TPMT: variants seen among roughly 807,000 people sequenced by gnomAD.
TPMT encodes the protein thiopurine S-methyltransferase.
A neutral mutation model predicts 34.2 loss-of-function variants in TPMT; 18 were observed. The observed-to-expected ratio is 0.53, with a 90% CI of 0.36 to 0.78. The LOEUF is 0.78. TPMT is among the 30% of genes least tolerant of loss of function. The pLI, the probability that TPMT is intolerant of heterozygous loss-of-function variation, is 0.00. For missense variants in TPMT, 265 were observed against 288.1 expected (o/e 0.92, Z 0.58); for synonymous variants, 69 against 92.4 (o/e 0.75, Z 1.45).
intron 7 of TPMT, 165 bp downstream of exon 7, chr6:18,133,639 T>G: frequency 1.6e-6 from 1 of 619,098 alleles, no homozygotes; most frequent in East Asian, 2.8e-5. Context: ...GAGAAAAACA[T>G]GCTTATAGTT....
In TPMT at chr6:18,143,797, T is replaced by A; in HGVS notation, c.234-69A>T. 1 of 1,569,970 alleles carries A rather than the reference T, an allele frequency of 6.4e-7. No homozygotes were observed. The highest frequency in any genetic ancestry group is 8.7e-7 in the Non-Finnish European group (1 of 1,150,692). On this transcript the variant is annotated intron_variant, in intron 3 of 8. Transcript: ENST00000309983. The surrounding 1 kb of genome is among the most constrained non-coding windows in gnomAD (Gnocchi z 6.1). ...GACTAAATAGAGGGTTATATTAGAG[T>A]AAGCATATATTTTCTTTAATTTAGA... is the stretch of plus-strand genomic sequence containing the variant.
rs886697699 is a variant in TPMT, at chr6:18,132,128, C to T, written c.625+5G>A. Reference sequence around the variant, plus strand: ...AAAAGTTACAGCATAAGTCCACAAACTTACCAAACAACCTTTCAATTTCAG... The same window carrying T: ...AAAAGTTACAGCATAAGTCCACAAATTTACCAAACAACCTTTCAATTTCAG... On this transcript the variant is annotated splice_donor_5th_base_variant and intron_variant, in intron 8 of 8. Coordinates refer to ENST00000309983, the MANE Select transcript of TPMT (RefSeq NM_000367.5). This position sits in a 1 kb window ranked among gnomAD's most constrained non-coding sequence, Gnocchi z 4.8. 6.2e-7 allele frequency: 1 copy of T among 1,613,976 alleles called. No homozygotes were observed. The highest frequency in any genetic ancestry group is 8.5e-7 in the Non-Finnish European group (1 of 1,179,990).
rs895729183 is a variant in TPMT at position 18,150,339 on chromosome 6, G to T, written c.-44-1168C>A. 6.6e-6 allele frequency among the ~76,000 whole-genome samples: 1 copy of T among 152,164 alleles called. No homozygotes were observed. The highest frequency in any genetic ancestry group is 1.5e-5 in the Non-Finnish European group (1 of 68,014). ...TGGGTTTTTATGTAGGCTTCATCAC[G>T]TAGGCATTATTGTACTTACTCCTAA... is the stretch of plus-strand genomic sequence containing the variant. On this transcript the variant is annotated intron_variant, in intron 1 of 8. Coordinates refer to ENST00000309983, the MANE Select transcript of TPMT (RefSeq NM_000367.5). The surrounding 1 kb of genome is among the most constrained non-coding windows in gnomAD (Gnocchi z 5.3).
intron 1 of TPMT, among the ~76,000 whole-genome samples, chr6:18,151,923 C>A (rs923099681): frequency 6.6e-6 from 1 of 152,172 alleles, no homozygotes; most frequent in Non-Finnish European, 1.5e-5. Flanking sequence ...TTAATCCTCA[C>A]GTTTCCTGTA....
At position 18,153,902 on chromosome 6, in the gene TPMT, C is replaced by T. The variant is rs1326264894; in HGVS notation, c.-45+1131G>A. On this transcript the variant is annotated intron_variant, in intron 1 of 8. Transcript: ENST00000309983. The surrounding 1 kb of genome is among the most constrained non-coding windows in gnomAD (Gnocchi z 4.2). ...ACAAACTTGAACTGTCTAACAAAATCATGCACATAACTTAATCATGTCTTA... is the reference window on the plus strand; with the variant it reads ...ACAAACTTGAACTGTCTAACAAAATTATGCACATAACTTAATCATGTCTTA... 6.6e-6 allele frequency among the ~76,000 whole-genome samples: 1 copy of T among 152,212 alleles called. No homozygotes were observed. The highest frequency in any genetic ancestry group is 1.5e-5 in the Non-Finnish European group (1 of 68,038).
In TPMT at chr6:18,128,632, A is replaced by C. The variant is rs995142815; in HGVS notation, c.*2036T>G. On this transcript the variant is annotated 3_prime_UTR_variant, in exon 9 of 9. Transcript: ENST00000309983. The surrounding 1 kb of genome is among the most constrained non-coding windows in gnomAD (Gnocchi z 4.6). ...TGCAGATCAGCGTTCTGTTTCTCAG[A>C]TCCATGTGCTGGAATGTGGCTGCCC... is the stretch of plus-strand genomic sequence containing the variant. The C allele has an allele frequency of 2.0e-5, 3 of 152,212 alleles. No homozygotes were observed. The highest frequency in any genetic ancestry group is 7.2e-5 in the African/African-American group (3 of 41,440). The allele number at this position is 152,212 out of a possible 1,614,324, so 9.4% of individuals were successfully genotyped here.
At chr6:18,141,122 G>A (rs994011915) in intron 4 of TPMT, among the ~76,000 whole-genome samples, 3 of 152,104 alleles carry the variant, frequency 2.0e-5, no homozygotes, top group Admixed American at 2.0e-4. Flanking sequence ...AATTGGCCTG[G>A]GGTAAGACCT....
In TPMT at chr6:18,136,464, A is replaced by G. The variant is rs1313239446; in HGVS notation, c.494+2499T>C. 2.6e-5 allele frequency among the ~76,000 whole-genome samples: 4 copies of G among 152,234 alleles called. No individual in the cohort carries two copies. Among genetic ancestry groups the G allele is most frequent in the Admixed American group, 2.6e-4 (4 of 15,278 alleles). On this transcript the variant is annotated intron_variant, in intron 6 of 8. Transcript: ENST00000309983. This position sits in a 1 kb window ranked among gnomAD's most constrained non-coding sequence, Gnocchi z 4.7. ...TCTATTTGGAACATCACAGGAACTT[A>G]GTAAATATTTGTTGAATAGCTGAAT...
intron 1 of TPMT, among the ~76,000 whole-genome samples, chr6:18,151,186 T>G (rs76136663): frequency 2.5e-5 from 1 of 40,048 alleles, no homozygotes; most frequent in Non-Finnish European, 5.1e-5. Flanking sequence ...TCTTCTCTCT[T>G]TTTTTTTTTT....
chr6:18,151,351 T>C (rs1784350971), intron 1 of TPMT, among the ~76,000 whole-genome samples: 2 of 151,516 alleles, frequency 1.3e-5, no homozygotes, highest in Non-Finnish European at 2.9e-5. Flanking sequence ...GCCTGTAATC[T>C]TAGCTACTCA....
Position 18,148,914 on chromosome 6 carries a change from G to A in TPMT, c.140+74C>T. On this transcript the variant is annotated intron_variant, in intron 2 of 8. Transcript: ENST00000309983. This position sits in a 1 kb window ranked among gnomAD's most constrained non-coding sequence, Gnocchi z 4.1. ...ATCCTAAAAGTTAGTCAAATAATGT[G>A]TACTTTTATTATTTCTATCTCAAAG... 2 of 1,595,056 alleles carry A rather than the reference G, an allele frequency of 1.3e-6. No individual in the cohort carries two copies. Among genetic ancestry groups the A allele is most frequent in the Admixed American group, 1.7e-5 (1 of 59,960 alleles).
Position 18,135,083 on chromosome 6 carries a change from C to G in TPMT, c.495-1194G>C, listed in dbSNP as rs1341335823. Among the ~76,000 whole-genome samples the G allele has an allele frequency of 2.0e-5, 3 of 152,220 alleles. No individual in the cohort carries two copies. The highest frequency in any genetic ancestry group is 2.9e-5 in the Non-Finnish European group (2 of 68,034). On this transcript the variant is annotated intron_variant, in intron 6 of 8. Coordinates refer to ENST00000309983, the MANE Select transcript of TPMT (RefSeq NM_000367.5). The surrounding 1 kb of genome is among the most constrained non-coding windows in gnomAD (Gnocchi z 5.0). ...CTATGTAAGCTTGACAAATTCTTAA[C>G]CTTTCTGTACCTCAGTTTCCTCACC...
At position 18,148,464 on chromosome 6, in the gene TPMT, A is replaced by G. The variant is rs1224482120; in HGVS notation, c.140+524T>C. ...GCTGCCCAGAACAAGGAATGTCTCT[A>G]ACAACCACTTTACTCAGCACTGGTC... On this transcript the variant is annotated intron_variant, in intron 2 of 8. Coordinates refer to ENST00000309983, the MANE Select transcript of TPMT (RefSeq NM_000367.5). This position sits in a 1 kb window ranked among gnomAD's most constrained non-coding sequence, Gnocchi z 4.1. Among the ~76,000 whole-genome samples, 1 of 152,210 alleles carries G rather than the reference A, an allele frequency of 6.6e-6. No individual in the cohort carries two copies. Among genetic ancestry groups the G allele is most frequent in the African/African-American group, 2.4e-5 (1 of 41,458 alleles).
At chr6:18,134,424 T>C (rs961103412) in intron 6 of TPMT, among the ~76,000 whole-genome samples, 46 of 151,752 alleles carry the variant, frequency 3.0e-4, no homozygotes, top group Admixed American at 1.1e-3. Flanking sequence ...ACAATTTTTT[T>C]CCTCTATTTA....
At position 18,131,100 on chromosome 6, in the gene TPMT, C is replaced by T. The variant is rs998844024; in HGVS notation, c.626-320G>A. ...TTGCAGTGAGCTGAGATTGCACCAT[C>T]GCGCTCTAGCCTAGGCAACAAGAGC... On this transcript the variant is annotated intron_variant, in intron 8 of 8. Coordinates refer to ENST00000309983, the MANE Select transcript of TPMT (RefSeq NM_000367.5). The surrounding 1 kb of genome is among the most constrained non-coding windows in gnomAD (Gnocchi z 4.3). Among the ~76,000 whole-genome samples, 3 of 152,198 alleles carry T rather than the reference C, an allele frequency of 2.0e-5. No individual in the cohort carries two copies. Among genetic ancestry groups the T allele is most frequent in the South Asian group, 2.1e-4 (1 of 4,816 alleles).
At position 18,130,517 on chromosome 6, in the gene TPMT, A is replaced by G; in HGVS notation, c.*151T>C. 2 of 604,830 alleles carry G rather than the reference A, an allele frequency of 3.3e-6. No homozygotes were observed. The highest frequency in any genetic ancestry group is 4.1e-5 in the South Asian group (2 of 49,064). 37.5% of individuals were successfully genotyped at this position (604,830 alleles called of 1,614,324 possible). On this transcript the variant is annotated 3_prime_UTR_variant, in exon 9 of 9. Transcript: ENST00000309983. This position sits in a 1 kb window ranked among gnomAD's most constrained non-coding sequence, Gnocchi z 4.2. The stretch of plus-strand genomic sequence containing the variant: ...TTCTAAAACTTTTTTAGAAAAAGTA[A>G]ATGGCTTTACTAAAAAGCCATTTTT...
chr6:18,149,121 C>T lies in TPMT; in HGVS notation c.7G>A (p.Gly3Ser), dbSNP rs1784302813. The T allele has an allele frequency of 3.1e-6, 5 of 1,613,890 alleles. No individual in the cohort carries two copies. The highest frequency in any genetic ancestry group is 1.7e-5 in the Admixed American group (1 of 59,982). Residue 3 changes from glycine (G) to serine (S), a missense_variant, in exon 2 of 9, where the codon GGT becomes AGT. Transcript: ENST00000309983. The surrounding 1 kb of genome is among the most constrained non-coding windows in gnomAD (Gnocchi z 5.0). MD[G>S]TRTSLDIEEY... The stretch of plus-strand genomic sequence containing the variant: ...TCAATGTCAAGTGAAGTTCTTGTAC[C>T]ATCCATAGTTTCAGAGACACCTTTG...
rs537203687 is a variant in TPMT, at chr6:18,150,264, A to G, written c.-44-1093T>C. Among the ~76,000 whole-genome samples, 2 of 152,352 alleles carry G rather than the reference A, an allele frequency of 1.3e-5. No individual in the cohort carries two copies. The highest frequency in any genetic ancestry group is 3.9e-4 in the East Asian group (2 of 5,192). ...ATACTTGAAGAGATGTGTTAGCTACAGGACCTTCACCTGTTGAGCTATTAG... is the reference window on the plus strand; with the variant it reads ...ATACTTGAAGAGATGTGTTAGCTACGGGACCTTCACCTGTTGAGCTATTAG... On this transcript the variant is annotated intron_variant, in intron 1 of 8. Coordinates refer to ENST00000309983, the MANE Select transcript of TPMT (RefSeq NM_000367.5). The surrounding 1 kb of genome is among the most constrained non-coding windows in gnomAD (Gnocchi z 5.3).
rs1302632656 is a variant in TPMT at position 18,140,225 on chromosome 6, A to T, written c.367-508T>A. On this transcript the variant is annotated intron_variant, in intron 4 of 8. Coordinates refer to ENST00000309983, the MANE Select transcript of TPMT (RefSeq NM_000367.5). The surrounding 1 kb of genome is among the most constrained non-coding windows in gnomAD (Gnocchi z 4.7). ...CCTGGGTTCTTGACAGTAGATTTGA[A>T]TTCGACACAGTCTCTGACCACAGTG... 6.6e-6 allele frequency among the ~76,000 whole-genome samples: 1 copy of T among 152,238 alleles called. No homozygotes were observed. Among genetic ancestry groups the T allele is most frequent in the Non-Finnish European group, 1.5e-5 (1 of 68,050 alleles).
Sources: gnomAD v4.1 joint callset for allele counts (sites outside exome capture counted in the v4.1 genomes callset) on GRCh38, gnomAD v4.1.1 for gene constraint, Gnocchi (gnomAD v3.1) non-coding constraint, MANE v1.5 for transcripts, NCBI Gene and HGNC (gene_info 2026-07-23, HGNC 2026-07-21) for gene names.